Variants in LRRC4C observed in about 807,000 individuals in gnomAD.
LRRC4C encodes the protein leucine rich repeat containing 4C, also known as leucine-rich repeat-containing protein 4C.
LRRC4C carries 5 observed loss-of-function variants against 33.6 expected under a neutral mutation model. The ratio of observed to expected loss-of-function variants is 0.15; its 90% CI spans 0.08 to 0.31. LRRC4C has a LOEUF of 0.31. LRRC4C is among the 10% of genes least tolerant of loss of function. The probability of loss-of-function intolerance (pLI) is 1.00; values close to 1 mark genes in which losing one functional copy is unlikely to be tolerated. For synonymous variants in LRRC4C, 329 were observed against 302.0 expected (o/e 1.09, Z -0.93); for missense variants, 560 against 796.7 (o/e 0.70, Z 3.58).
intron 2 of LRRC4C, among the ~76,000 whole-genome samples, chr11:40,740,607 T>C (rs1366904849): frequency 6.6e-6 from 1 of 152,114 alleles, no homozygotes; most frequent in African/African-American, 2.4e-5. Flanking sequence ...CATTTGTTAT[T>C]TTCTTTGTTG....
intron 2 of LRRC4C, among the ~76,000 whole-genome samples, chr11:40,702,372 C>T (rs945371535): frequency 6.6e-6 from 1 of 152,040 alleles, no homozygotes; most frequent in African/African-American, 2.4e-5. Context: ...ACTTTTAAAC[C>T]TTTGCCTAAC....
chr11:40,943,725 T>C (rs1412314143), intron 1 of LRRC4C, among the ~76,000 whole-genome samples: 1 of 152,184 alleles, frequency 6.6e-6, no homozygotes, highest in Admixed American at 6.5e-5. Flanking sequence ...GGGAGAGTCT[T>C]TGAAGTGTTT....
chr11:41,057,891 G>T (rs1312607460), intron 1 of LRRC4C, among the ~76,000 whole-genome samples: 1 of 152,136 alleles, frequency 6.6e-6, no homozygotes, highest in Non-Finnish European at 1.5e-5. Context: ...TACCCTCTCT[G>T]CTAGGAGCCG....
chr11:40,334,486 G>A (rs916470579), intron 3 of LRRC4C, among the ~76,000 whole-genome samples: 4 of 152,146 alleles, frequency 2.6e-5, no homozygotes, highest in African/African-American at 4.8e-5. Flanking sequence ...GTGAGTAGGG[G>A]AAGAAGGTAA....
chr11:41,043,346 C>G (rs983781883), intron 1 of LRRC4C, among the ~76,000 whole-genome samples: 31 of 152,046 alleles, frequency 2.0e-4, no homozygotes, highest in Non-Finnish European at 7.4e-5. Context: ...AACAGCACTT[C>G]CTTGTCCTCT....
intron 2 of LRRC4C, among the ~76,000 whole-genome samples, chr11:40,791,776 C>T (rs1164558396): frequency 6.6e-6 from 1 of 152,128 alleles, no homozygotes; most frequent in Non-Finnish European, 1.5e-5. Flanking sequence ...TCCTTCTCTT[C>T]CTTCTGGACA....
chr11:40,169,110 T>C (rs1300060606), intron 5 of LRRC4C, among the ~76,000 whole-genome samples: 1 of 152,194 alleles, frequency 6.6e-6, no homozygotes, highest in Non-Finnish European at 1.5e-5. Context: ...CATTGACATA[T>C]AAATTCATAA....
At chr11:40,498,243 C>T (rs1954571916) in intron 3 of LRRC4C, among the ~76,000 whole-genome samples, 1 of 152,196 alleles carries the variant, frequency 6.6e-6, no homozygotes, top group Non-Finnish European at 1.5e-5. Context: ...AGTGAGTTAA[C>T]ATCCCTAGAC....
At chr11:41,068,252 G>A (rs1938406572) in intron 1 of LRRC4C, among the ~76,000 whole-genome samples, 2 of 152,052 alleles carry the variant, frequency 1.3e-5, no homozygotes, top group Admixed American at 1.3e-4. Context: ...AATTAGCTGG[G>A]CATGGTGGCA....
intron 3 of LRRC4C, among the ~76,000 whole-genome samples, chr11:40,564,554 G>T (rs1170279273): frequency 6.6e-6 from 1 of 152,134 alleles, no homozygotes; most frequent in African/African-American, 2.4e-5. Flanking sequence ...CCAGGGGAGT[G>T]ATGGGGATTG....
intron 1 of LRRC4C, among the ~76,000 whole-genome samples, chr11:41,152,511 T>G (rs967728929): frequency 6.6e-6 from 1 of 152,170 alleles, no homozygotes; most frequent in Non-Finnish European, 1.5e-5. Context: ...AGTAACATCT[T>G]CAGCCACTGC....
chr11:41,158,265 A>C (rs1415257003), intron 1 of LRRC4C, among the ~76,000 whole-genome samples: 1 of 152,166 alleles, frequency 6.6e-6, no homozygotes. Context: ...ATGATTCCTG[A>C]GCACATGTCC....
chr11:41,060,050 G>A (rs1590390112), intron 1 of LRRC4C, among the ~76,000 whole-genome samples: 1 of 152,244 alleles, frequency 6.6e-6, no homozygotes, highest in East Asian at 1.9e-4. Flanking sequence ...TGCACTGAGT[G>A]TAGCAAATAA....
At chr11:40,423,281 T>C (rs145117324) in intron 3 of LRRC4C, among the ~76,000 whole-genome samples, 14 of 151,708 alleles carry the variant, frequency 9.2e-5, no homozygotes, top group African/African-American at 3.4e-4. Flanking sequence ...TGAGGAATTG[T>C]CCTCCAGGAT....
intron 2 of LRRC4C, among the ~76,000 whole-genome samples, chr11:40,818,689 G>A (rs910672812): frequency 2.0e-5 from 3 of 151,538 alleles, no homozygotes; most frequent in Non-Finnish European, 2.9e-5. Context: ...ATTTTATATC[G>A]AGATTTCATG....
intron 1 of LRRC4C, among the ~76,000 whole-genome samples, chr11:41,196,655 G>A (rs1196283532): frequency 6.6e-6 from 1 of 152,028 alleles, no homozygotes; most frequent in Non-Finnish European, 1.5e-5. Flanking sequence ...ATAACTGGAT[G>A]GACAGCTGAG....
chr11:40,410,717 TTGTC>T (rs576148311), intron 3 of LRRC4C, among the ~76,000 whole-genome samples: 1 of 152,152 alleles, frequency 6.6e-6, no homozygotes, highest in Non-Finnish European at 1.5e-5. Context: ...TGAAAGTTAA[TTGTC>T]TGTTTCTAGC....
intron 1 of LRRC4C, among the ~76,000 whole-genome samples, chr11:41,185,376 C>G (rs1243419738): frequency 6.6e-6 from 1 of 151,990 alleles, no homozygotes; most frequent in Non-Finnish European, 1.5e-5. Flanking sequence ...ATATAAAGGA[C>G]TTTGGATAAG....
chr11:40,907,878 C>T (rs1956491834), intron 2 of LRRC4C, among the ~76,000 whole-genome samples: 1 of 151,898 alleles, frequency 6.6e-6, no homozygotes, highest in East Asian at 1.9e-4. Flanking sequence ...CTTTGGAAAC[C>T]CTGTCAAAAA....
Sources: gnomAD v4.1 joint callset for allele counts (sites outside exome capture counted in the v4.1 genomes callset) on GRCh38, gnomAD v4.1.1 for gene constraint, MANE v1.5 for transcripts, NCBI Gene and HGNC (gene_info 2026-07-23, HGNC 2026-07-21) for gene names.